Variants in DOCK4 observed in about 807,000 individuals in gnomAD.
DOCK4 encodes dedicator of cytokinesis protein 4.
DOCK4 carries 97 observed loss-of-function variants against 268.1 expected under a neutral mutation model. The ratio of observed to expected loss-of-function variants is 0.36; its 90% CI spans 0.31 to 0.43. The LOEUF (loss-of-function observed/expected upper bound fraction) is 0.43, where lower values mean the gene tolerates loss of function less well. Ranked by LOEUF, DOCK4 falls within the 20% of genes least tolerant of loss-of-function variation. The pLI, the probability that DOCK4 is intolerant of heterozygous loss-of-function variation, is 1.00. For missense variants in DOCK4, 2,145 were observed against 2,455.7 expected (o/e 0.87, Z 2.67); for synonymous variants, 954 against 887.2 (o/e 1.08, Z -1.34).
chr7:111,739,048 G>T, intron 49 of DOCK4, 86 bp downstream of exon 49: 1 of 1,134,384 alleles, frequency 8.8e-7, no homozygotes, highest in South Asian at 1.3e-5. Context: ...GCTTGCTTTT[G>T]GCAGCTACCG....
chr7:111,819,643 G>A (rs909389521), intron 27 of DOCK4: 3 of 152,190 alleles, frequency 2.0e-5, no homozygotes, highest in Non-Finnish European at 4.4e-5. Context: ...GCTTATAGAT[G>A]AAAGTTAAAG....
intron 15 of DOCK4, among the ~76,000 whole-genome samples, chr7:111,897,165 A>G (rs1236544434): frequency 6.6e-6 from 1 of 151,916 alleles, no homozygotes; most frequent in African/African-American, 2.4e-5. Context: ...TTTAACTCAC[A>G]TTTACTACCA....
At position 111,969,693 on chromosome 7, in the gene DOCK4, AT is replaced by A. The variant is rs1554398292; in HGVS notation, c.701+7438del. On this transcript the variant is annotated intron_variant, in intron 8 of 52. Coordinates refer to ENST00000428084, the MANE Select transcript of DOCK4 (RefSeq NM_001363540.2). ...AGTTGAACCAGAAAAAAAAAAAAAA[AT>A]TTACTGTCTATTGTAGATTAATTGA... is the stretch of plus-strand genomic sequence containing the variant. Among the ~76,000 whole-genome samples, 5 of 151,418 alleles carry A rather than the reference AT, an allele frequency of 3.3e-5. No homozygotes were observed. In the South Asian group the frequency reaches 1.0e-3, roughly 32 times the overall value.
At chr7:112,036,530 T>C (rs17159180) in intron 1 of DOCK4, among the ~76,000 whole-genome samples, 4,981 of 152,310 alleles carry the variant, frequency 0.033, 160 homozygotes, top group East Asian at 0.15. Flanking sequence ...TAAATTTCAT[T>C]TGCTTTTATA....
intron 1 of DOCK4, among the ~76,000 whole-genome samples, chr7:112,165,261 ATATTTGTGCATGTTTGTAACCTT>A (rs565008832): frequency 1.3e-5 from 2 of 152,170 alleles, no homozygotes; most frequent in South Asian, 2.1e-4. Flanking sequence ...TATTTCTTCT[ATATTTGTGCATGTTTGTAACCTT>A]TAACCTACTT....
intron 10 of DOCK4, among the ~76,000 whole-genome samples, chr7:111,944,592 T>C (rs372274269): frequency 5.3e-5 from 8 of 152,286 alleles, no homozygotes; most frequent in African/African-American, 1.9e-4. Flanking sequence ...TAATTACTTA[T>C]ATTAAAAGAG....
chr7:111,871,901 C>T, intron 20 of DOCK4, 89 bp downstream of exon 20: 1 of 1,032,960 alleles, frequency 9.7e-7, no homozygotes, highest in Non-Finnish European at 1.4e-6. Context: ...TTCCTACACT[C>T]CCTTTTAAAT....
At chr7:111,864,769 C>T (rs1484096535) in intron 22 of DOCK4, among the ~76,000 whole-genome samples, 1 of 152,152 alleles carries the variant, frequency 6.6e-6, no homozygotes, top group Non-Finnish European at 1.5e-5. Context: ...TTTATATAAC[C>T]TTCACGTCAC....
intron 12 of DOCK4, 71 bp downstream of exon 12, chr7:111,935,469 C>G (rs1037352100): frequency 5.9e-6 from 8 of 1,367,454 alleles, no homozygotes; most frequent in East Asian, 4.6e-5. Context: ...AATTTCCTTC[C>G]CAAACAGACA....
rs150812105 is a variant in DOCK4 at position 111,804,907 on chromosome 7, A to T, written c.3166+3914T>A. On this transcript the variant is annotated intron_variant, in intron 30 of 52. Transcript: ENST00000428084. ...CAGCCACTGCACCCAACCAAGATGTACATTTTATTTGTATTTTACCACAAT... is the reference window on the plus strand; with the variant it reads ...CAGCCACTGCACCCAACCAAGATGTTCATTTTATTTGTATTTTACCACAAT... 1.8e-3 allele frequency among the ~76,000 whole-genome samples: 271 copies of T among 152,274 alleles called. 2 individuals are homozygous for T. Among genetic ancestry groups the T allele is most frequent in the African/African-American group, 6.3e-3 (261 of 41,554 alleles).
chr7:112,037,860 C>T (rs575492206), intron 1 of DOCK4, among the ~76,000 whole-genome samples: 1 of 152,100 alleles, frequency 6.6e-6, no homozygotes, highest in Non-Finnish European at 1.5e-5. Flanking sequence ...TCCACCAGGA[C>T]TGTATGAAAG....
chr7:111,755,663 CTA>C lies in DOCK4; in HGVS notation c.4330-64_4330-63del, dbSNP rs1440909407. The C allele has an allele frequency of 6.8e-6, 10 of 1,481,040 alleles. No homozygotes were observed. The African/African-American group carries it at 6.9e-5, about 10-fold the overall frequency. 91.7% of individuals were successfully genotyped at this position (1,481,040 alleles called of 1,614,324 possible). ...CCCTTCTTTCTAGCTACTTCCATGA[CTA>C]GTGTTTGTCGGTCACTGTTACCAGG... On this transcript the variant is annotated intron_variant, in intron 41 of 52. Coordinates refer to ENST00000428084, the MANE Select transcript of DOCK4 (RefSeq NM_001363540.2).
chr7:112,038,124 T>G (rs944563903), intron 1 of DOCK4, among the ~76,000 whole-genome samples: 3 of 152,236 alleles, frequency 2.0e-5, no homozygotes, highest in Non-Finnish European at 4.4e-5. Context: ...CATCCTTCTA[T>G]CCGTATATTT....
At chr7:112,053,808 C>T (rs144706555) in intron 1 of DOCK4, among the ~76,000 whole-genome samples, 89 of 152,268 alleles carry the variant, frequency 5.8e-4, no homozygotes, top group African/African-American at 1.5e-3. Flanking sequence ...TAATCATATG[C>T]GCTGGGACCT....
intron 16 of DOCK4, among the ~76,000 whole-genome samples, chr7:111,892,481 C>T (rs1808368280): frequency 6.6e-6 from 1 of 152,208 alleles, no homozygotes; most frequent in African/African-American, 2.4e-5. Flanking sequence ...GGATTACAGG[C>T]ATGAGCCACT....
intron 20 of DOCK4, among the ~76,000 whole-genome samples, chr7:111,870,328 T>C (rs1324106639): frequency 8.1e-5 from 12 of 147,822 alleles, no homozygotes; most frequent in East Asian, 5.8e-4. Flanking sequence ...CTTTTCTTTT[T>C]TTTTTTTTTT....
intron 16 of DOCK4, among the ~76,000 whole-genome samples, chr7:111,895,390 T>A (rs1282732852): frequency 6.6e-6 from 1 of 152,206 alleles, no homozygotes; most frequent in Non-Finnish European, 1.5e-5. Context: ...TACCCAAACA[T>A]CCACCCCTAA....
At chr7:111,822,102 G>A (rs939978374) in intron 27 of DOCK4, among the ~76,000 whole-genome samples, 2 of 152,158 alleles carry the variant, frequency 1.3e-5, no homozygotes, top group Admixed American at 6.6e-5. Context: ...ACAAATACAA[G>A]TGGTTATACA....
At chr7:111,847,818 T>C (rs946416126) in intron 23 of DOCK4, among the ~76,000 whole-genome samples, 7 of 152,350 alleles carry the variant, frequency 4.6e-5, no homozygotes, top group Non-Finnish European at 8.8e-5. Flanking sequence ...GTCTTCAGTA[T>C]GTCTTTATCA....
Sources: allele counts gnomAD v4.1 joint callset (sites outside exome capture counted in the v4.1 genomes callset), GRCh38; gene constraint gnomAD v4.1.1; transcripts MANE v1.5; gene names NCBI Gene and HGNC (gene_info 2026-07-23, HGNC 2026-07-21).